Variants in RERG observed in about 807,000 individuals in gnomAD.
RERG encodes the protein RAS like estrogen regulated growth inhibitor, also known as ras-related and estrogen-regulated growth inhibitor.
RERG carries 25 observed loss-of-function variants against 23.2 expected under a neutral mutation model. The observed-to-expected ratio is 1.08, with a 90% CI of 0.79 to 1.50. The LOEUF is 1.50. Ranked by LOEUF, RERG falls within the 40% of genes most tolerant of loss-of-function variation. The pLI is 0.00. For synonymous variants in RERG, 81 were observed against 89.1 expected (o/e 0.91, Z 0.51); for missense variants, 253 against 250.1 (o/e 1.01, Z -0.08).
intron 3 of RERG, among the ~76,000 whole-genome samples, chr12:15,113,847 C>G (rs1456570726): frequency 5.9e-5 from 9 of 151,914 alleles, no homozygotes; most frequent in Admixed American, 5.9e-4. Context: ...AAATGTCCAG[C>G]TGGACTTTTT....
intron 2 of RERG, chr12:15,152,062 TTGC>T (rs1864452084): frequency 2.6e-5 from 4 of 152,188 alleles, no homozygotes; most frequent in Non-Finnish European, 4.4e-5. Flanking sequence ...GAACTATAAA[TTGC>T]AAAAGGTAAA....
intron 2 of RERG, among the ~76,000 whole-genome samples, chr12:15,123,751 A>G (rs1219997354): frequency 6.6e-6 from 1 of 151,932 alleles, no homozygotes; most frequent in Non-Finnish European, 1.5e-5. Flanking sequence ...TTCCCTCTCC[A>G]TCCCAACTAT....
chr12:15,166,232 A>G (rs1864685454), intron 2 of RERG, among the ~76,000 whole-genome samples: 1 of 152,210 alleles, frequency 6.6e-6, no homozygotes, highest in African/African-American at 2.4e-5. Flanking sequence ...CTAGAGAGTA[A>G]GCCCAGGGTT....
intron 2 of RERG, among the ~76,000 whole-genome samples, chr12:15,136,720 G>T (rs1356678152): frequency 6.6e-6 from 1 of 151,936 alleles, no homozygotes; most frequent in East Asian, 1.9e-4. Flanking sequence ...CAATCTTTCT[G>T]TTGTTGATTT....
intron 2 of RERG, among the ~76,000 whole-genome samples, chr12:15,147,978 G>T (rs939988748): frequency 6.6e-6 from 1 of 152,064 alleles, no homozygotes; most frequent in Non-Finnish European, 1.5e-5. Flanking sequence ...GTGGTTAGAC[G>T]CAAGAAAACA....
intron 2 of RERG, among the ~76,000 whole-genome samples, chr12:15,123,620 T>C (rs958059114): frequency 7.5e-5 from 10 of 133,642 alleles, no homozygotes; most frequent in African/African-American, 2.8e-4. Context: ...ATTTATATAA[T>C]AAATATTAAA....
At chr12:15,171,186 C>T (rs770374433) in intron 2 of RERG, among the ~76,000 whole-genome samples, 9 of 152,262 alleles carry the variant, frequency 5.9e-5, no homozygotes, top group African/African-American at 1.2e-4. Flanking sequence ...TCAAAGCTGG[C>T]GGTCAGAGCT....
chr12:15,189,332 C>T (rs966036), intron 2 of RERG, among the ~76,000 whole-genome samples: 2 of 152,166 alleles, frequency 1.3e-5, no homozygotes, highest in Non-Finnish European at 2.9e-5. Context: ...CTCTACTCCA[C>T]CTAAACTGGC....
Position 15,177,602 on chromosome 12 carries a change from GC to G in RERG, c.61+39826del, listed in dbSNP as rs533694758. On this transcript the variant is annotated intron_variant, in intron 2 of 4. Transcript: ENST00000256953. The stretch of plus-strand genomic sequence containing the variant: ...ATAAATTCAGTGGCTCCACATTTGA[GC>G]ATGAAAAGCAGCAGAAATAATCAAA... 6.7e-3 allele frequency among the ~76,000 whole-genome samples: 1,016 copies of G among 152,262 alleles called. 8 individuals are homozygous for G. Among genetic ancestry groups the G allele is most frequent in the African/African-American group, 0.023 (949 of 41,548 alleles).
At chr12:15,120,832 T>C (rs1216942023) in intron 3 of RERG, among the ~76,000 whole-genome samples, 1 of 152,192 alleles carries the variant, frequency 6.6e-6, no homozygotes, top group Non-Finnish European at 1.5e-5. Flanking sequence ...CCTTTCCTCA[T>C]GGCTGAGGCT....
At chr12:15,123,362 T>C (rs984598875) in intron 2 of RERG, among the ~76,000 whole-genome samples, 11 of 151,906 alleles carry the variant, frequency 7.2e-5, no homozygotes, top group African/African-American at 1.9e-4. Flanking sequence ...TGTGCAGTTA[T>C]GCAGCAATAC....
At position 15,111,431 on chromosome 12, in the gene RERG, C is replaced by T; in HGVS notation, c.119-14G>A. 1.3e-6 allele frequency: 2 copies of T among 1,589,304 alleles called. No homozygotes were observed. Among genetic ancestry groups the T allele is most frequent in the Admixed American group, 1.8e-5 (1 of 55,342 alleles). ...GGTAGGTTGATTCTAAGGGAATGAG[C>T]AAATAAAAAAGACAAAAAGATAAAT... On this transcript the variant is annotated splice_polypyrimidine_tract_variant and intron_variant, in intron 3 of 4. Transcript: ENST00000256953.
At chr12:15,214,790 T>A (rs1016877621) in intron 2 of RERG, among the ~76,000 whole-genome samples, 2 of 152,122 alleles carry the variant, frequency 1.3e-5, no homozygotes, top group African/African-American at 2.4e-5. Flanking sequence ...GTGGCTGCAG[T>A]GAGCTATGAT....
chr12:15,215,087 G>A (rs1459722027), intron 2 of RERG, among the ~76,000 whole-genome samples: 3 of 152,200 alleles, frequency 2.0e-5, no homozygotes, highest in African/African-American at 7.2e-5. Flanking sequence ...TCACCTAAAT[G>A]AAAACAAACA....
intron 2 of RERG, among the ~76,000 whole-genome samples, chr12:15,143,955 G>A (rs530335884): frequency 6.6e-6 from 1 of 152,218 alleles, no homozygotes; most frequent in Non-Finnish European, 1.5e-5. Flanking sequence ...AAGTGTAGAG[G>A]TTCTGAGGCA....
chr12:15,175,634 G>A (rs1175420464), intron 2 of RERG, among the ~76,000 whole-genome samples: 1 of 151,950 alleles, frequency 6.6e-6, no homozygotes. Context: ...TTCTGGCCAG[G>A]CTCTTGTTTA....
At chr12:15,113,622 A>G (rs1397050297) in intron 3 of RERG, among the ~76,000 whole-genome samples, 1 of 151,974 alleles carries the variant, frequency 6.6e-6, no homozygotes, top group Non-Finnish European at 1.5e-5. Flanking sequence ...GTAGTAAAAT[A>G]AATAATATTT....
At chr12:15,141,514 T>C (rs1027726910) in intron 2 of RERG, among the ~76,000 whole-genome samples, 2 of 152,214 alleles carry the variant, frequency 1.3e-5, no homozygotes, top group Non-Finnish European at 2.9e-5. Flanking sequence ...TCTATCTTTC[T>C]GCTTATATTA....
intron 2 of RERG, among the ~76,000 whole-genome samples, chr12:15,140,453 T>G (rs191423482): frequency 2.6e-5 from 4 of 151,808 alleles, no homozygotes; most frequent in Non-Finnish European, 4.4e-5. Context: ...ATTTAAAAAA[T>G]AAGAAACAAA....
Sources: gnomAD v4.1 joint callset for allele counts (sites outside exome capture counted in the v4.1 genomes callset) on GRCh38, gnomAD v4.1.1 for gene constraint, MANE v1.5 for transcripts, NCBI Gene and HGNC (gene_info 2026-07-23, HGNC 2026-07-21) for gene names.